The following CGNL1 variants were observed in gnomAD, a reference collection of about 807,000 sequenced individuals.
The protein encoded by CGNL1 is cingulin-like protein 1.
In CGNL1, 132 loss-of-function variants were observed where a neutral mutation model predicts 141.2. The observed-to-expected ratio is 0.93, with a 90% CI of 0.81 to 1.08. The LOEUF (loss-of-function observed/expected upper bound fraction) is 1.08. Among genes scored for constraint, CGNL1 ranks in the 50% least tolerant of loss-of-function variants. The probability of loss-of-function intolerance (pLI) is 0.00; values close to 1 mark genes in which losing one functional copy is unlikely to be tolerated. For synonymous variants in CGNL1, 690 were observed against 622.1 expected (o/e 1.11, Z -1.63); for missense variants, 1,870 against 1,588.6 (o/e 1.18, Z -3.01).
intron 7 of CGNL1, among the ~76,000 whole-genome samples, chr15:57,458,511 C>T (rs539132855): frequency 6.6e-5 from 10 of 152,194 alleles, no homozygotes; most frequent in South Asian, 4.2e-4. Flanking sequence ...CATGCATTGG[C>T]GGCAGCACAC....
chr15:57,408,492 C>T (rs1233455344), intron 1 of CGNL1, among the ~76,000 whole-genome samples: 5 of 152,240 alleles, frequency 3.3e-5, no homozygotes, highest in African/African-American at 1.2e-4. Flanking sequence ...TTCCCAGAGC[C>T]AAACCTCTGG....
Position 57,453,703 on chromosome 15 carries a change from A to T in CGNL1, c.2075A>T (p.Glu692Val), listed in dbSNP as rs747338922. 2.5e-6 allele frequency: 4 copies of T among 1,613,910 alleles called. No individual in the cohort carries two copies. The highest frequency in any genetic ancestry group is 3.4e-6 in the Non-Finnish European group (4 of 1,179,908). The change falls in exon 7 of 19, where the codon GAA becomes GTA. Residue 692 changes from glutamate to valine, a missense_variant. Glu to Val is a moderately radical substitution (Grantham distance 121). Transcript: ENST00000281282. ...GCCAGGCTATTCCAGGTGAAGATGG[A>T]ACGGGAGCAGCATCAGACTGAGATC... ...NLEELFQVKM[E>V]REQHQTEIRD...
intron 1 of CGNL1, among the ~76,000 whole-genome samples, chr15:57,432,701 T>C (rs1355928916): frequency 2.0e-5 from 3 of 152,222 alleles, no homozygotes; most frequent in African/African-American, 7.2e-5. Flanking sequence ...GTCCCTAAAT[T>C]CATTAATTAA....
At chr15:57,449,648 A>G (rs1337211900) in intron 4 of CGNL1, among the ~76,000 whole-genome samples, 1 of 152,216 alleles carries the variant, frequency 6.6e-6, no homozygotes, top group Non-Finnish European at 1.5e-5. Flanking sequence ...GAACAATGAC[A>G]TGTATCTATC....
rs148665194 is a variant in CGNL1, at chr15:57,528,692, A to T, written c.3078A>T (p.Arg1026Ser). The change falls in exon 13 of 19, where the codon AGA (arginine) becomes AGT (serine). Residue 1026 changes from arginine (R) to serine (S), a missense_variant. Transcript: ENST00000281282. Reference protein sequence around the residue: ...LMEEELRDYQRAQDEALTKRQ... With the variant: ...LMEEELRDYQSAQDEALTKRQ... ...AGGAAGAGTTACGGGACTACCAGAG[A>T]GCTCAGGATGAAGCACTCACAAAAA... 50 of 1,614,014 alleles carry T rather than the reference A, an allele frequency of 3.1e-5. No homozygotes were observed. Among genetic ancestry groups the T allele is most frequent in the African/African-American group, 5.3e-5 (4 of 74,920 alleles).
chr15:57,403,345 C>G (rs1359388565), intron 1 of CGNL1, among the ~76,000 whole-genome samples: 3 of 152,182 alleles, frequency 2.0e-5, no homozygotes, highest in African/African-American at 7.2e-5. Flanking sequence ...TTTTTGCAAG[C>G]ATGGGAGTGT....
chr15:57,435,019 C>T (rs2063088421), intron 1 of CGNL1, among the ~76,000 whole-genome samples: 1 of 152,028 alleles, frequency 6.6e-6, no homozygotes, highest in African/African-American at 2.4e-5. Context: ...AAAAAGAGGT[C>T]ACCAAATTAC....
intron 9 of CGNL1, 24 bp downstream of exon 9, chr15:57,517,010 C>CAGCG: frequency 6.3e-7 from 1 of 1,596,738 alleles, no homozygotes; most frequent in Non-Finnish European, 8.5e-7. Flanking sequence ...GGCCCAGGCC[C>CAGCG]AGCTTTGGCA....
intron 1 of CGNL1, among the ~76,000 whole-genome samples, chr15:57,417,236 T>C (rs1158325865): frequency 6.6e-6 from 1 of 152,160 alleles, no homozygotes; most frequent in African/African-American, 2.4e-5. Context: ...TTCCTTTCCT[T>C]TCCTTTCTTT....
chr15:57,403,540 C>A (rs1386644565), intron 1 of CGNL1, among the ~76,000 whole-genome samples: 3 of 152,190 alleles, frequency 2.0e-5, no homozygotes, highest in Admixed American at 6.5e-5. Context: ...TTGCAGTCTG[C>A]CCTCCTGTGT....
chr15:57,546,386 C>A, intron 18 of CGNL1, 147 bp downstream of exon 18: 1 of 978,442 alleles, frequency 1.0e-6, no homozygotes. Context: ...ATGAAGGTGG[C>A]TGTGTCCACT....
intron 7 of CGNL1, among the ~76,000 whole-genome samples, chr15:57,456,315 G>GC: frequency 6.6e-6 from 1 of 152,190 alleles, no homozygotes; most frequent in Non-Finnish European, 1.5e-5. Context: ...CCCAAGTTTT[G>GC]CAAGTCCTGC....
intron 1 of CGNL1, among the ~76,000 whole-genome samples, chr15:57,381,268 C>T (rs2152213319): frequency 6.6e-6 from 1 of 152,142 alleles, no homozygotes; most frequent in African/African-American, 2.4e-5. Flanking sequence ...TGCAAAGGTG[C>T]ATAGTAGTTG....
intron 6 of CGNL1, 48 bp downstream of exon 6, chr15:57,452,337 C>T: frequency 6.4e-7 from 1 of 1,550,572 alleles, no homozygotes; most frequent in Non-Finnish European, 8.7e-7. Flanking sequence ...TTCTCTATGA[C>T]ATGTAGCTAG....
chr15:57,520,155 T>TA (rs1477510049), intron 10 of CGNL1, among the ~76,000 whole-genome samples: 1 of 152,192 alleles, frequency 6.6e-6, no homozygotes, highest in Non-Finnish European at 1.5e-5. Flanking sequence ...TGGCAAGAAT[T>TA]AAAAATGGGC....
intron 3 of CGNL1, among the ~76,000 whole-genome samples, 171 bp from the exon 4 acceptor site, chr15:57,442,202 A>AAAAAAAAAAAAAAAAAC (rs1734731741): frequency 7.2e-6 from 1 of 139,634 alleles, no homozygotes; most frequent in African/African-American, 2.7e-5. Context: ...AAAAAAAAAA[A>AAAAAAAAAAAAAAAAAC]AGACACCATC....
intron 8 of CGNL1, among the ~76,000 whole-genome samples, chr15:57,513,532 T>C (rs2030520863): frequency 6.6e-6 from 1 of 152,182 alleles, no homozygotes; most frequent in Admixed American, 6.5e-5. Flanking sequence ...GTTTTTTCTT[T>C]TTTTTGAGAT....
In CGNL1 at chr15:57,524,624, T is replaced by C; in HGVS notation, c.2912T>C (p.Leu971Pro). 6.2e-7 allele frequency: 1 copy of C among 1,613,898 alleles called. No individual in the cohort carries two copies. Among genetic ancestry groups the C allele is most frequent in the Middle Eastern group, 1.7e-4 (1 of 6,044 alleles). ...VEASRTSTLELQNQLDEYKEK... is the reference protein window; with the variant it reads ...VEASRTSTLEPQNQLDEYKEK... ...GCCTCCCGTACCTCAACCCTGGAGC[T>C]CCAGAACCAGCTGGATGAGTATAAG... The change falls in exon 12 of 19, where the codon CTC becomes CCC. Residue 971 changes from leucine (L) to proline (P), a missense_variant. Physicochemically the swap from Leu to Pro is moderately conservative, Grantham distance 98 (BLOSUM62 -3). Coordinates refer to ENST00000281282, the MANE Select transcript of CGNL1 (RefSeq NM_032866.5).
At chr15:57,459,485 T>G (rs757707411) in intron 7 of CGNL1, among the ~76,000 whole-genome samples, 1 of 151,532 alleles carries the variant, frequency 6.6e-6, no homozygotes, top group African/African-American at 2.4e-5. Flanking sequence ...TTGGAGGAGG[T>G]CTTACCGTAT....
Sources: gnomAD v4.1 joint callset for allele counts (sites outside exome capture counted in the v4.1 genomes callset) on GRCh38, gnomAD v4.1.1 for gene constraint, MANE v1.5 for transcripts, NCBI Gene and HGNC (gene_info 2026-07-23, HGNC 2026-07-21) for gene names.